The following OXNAD1 variants were observed in gnomAD, a reference collection of about 807,000 sequenced individuals.
The protein encoded by OXNAD1 is oxidoreductase NAD-binding domain-containing protein 1.
A neutral mutation model predicts 32.9 loss-of-function variants in OXNAD1; 34 were observed. That is an observed-to-expected ratio of 1.03 (90% CI 0.79 to 1.38). The LOEUF (loss-of-function observed/expected upper bound fraction) is 1.38, where lower values mean the gene tolerates loss of function less well. Among genes scored for constraint, OXNAD1 ranks in the 40% most tolerant of loss-of-function variants. The pLI is 0.00. For synonymous variants in OXNAD1, 134 were observed against 135.2 expected, an observed-to-expected ratio of 0.99 and a Z score of 0.06; for missense variants, 407 against 379.4, an observed-to-expected ratio of 1.07 and a Z score of -0.60.
chr3:16,332,698 G>A (rs569505338), intron 9 of OXNAD1, among the ~76,000 whole-genome samples: 53 of 152,236 alleles, frequency 3.5e-4, no homozygotes, highest in African/African-American at 9.4e-4. Context: ...CACCCTTCTC[G>A]TCCAGGTTGT....
At position 16,283,481 on chromosome 3, in the gene OXNAD1, T is replaced by C. The variant is rs559007812; in HGVS notation, c.184-2861T>C. Among the ~76,000 whole-genome samples, 5 of 152,360 alleles carry C rather than the reference T, an allele frequency of 3.3e-5. No homozygotes were observed. The East Asian group carries it at 9.6e-4, about 29-fold the overall frequency. The stretch of plus-strand genomic sequence containing the variant: ...AGGATAACAACACTGTCTCTTGGGA[T>C]ATAATATGATTATTCATATCAACTG... On this transcript the variant is annotated intron_variant, in intron 4 of 8. Coordinates refer to ENST00000285083, the MANE Select transcript of OXNAD1 (RefSeq NM_138381.5).
In OXNAD1 at chr3:16,274,257, TTATAAA is replaced by T. The variant is rs1262174751; in HGVS notation, c.183+2541_183+2546del. On this transcript the variant is annotated intron_variant, in intron 4 of 8. Coordinates refer to ENST00000285083, the MANE Select transcript of OXNAD1 (RefSeq NM_138381.5). The stretch of plus-strand genomic sequence containing the variant: ...AATTAACCTCATTAAAATTTTTGGT[TTATAAA>T]TATAACTATAACTACAGTATGTTAA... Among the ~76,000 whole-genome samples, 11 of 152,180 alleles carry T rather than the reference TTATAAA, an allele frequency of 7.2e-5. 2 individuals carry two copies. The highest frequency in any genetic ancestry group is 1.3e-4 in the Admixed American group (2 of 15,288).
chr3:16,270,106 A>C (rs2064818246), intron 2 of OXNAD1, among the ~76,000 whole-genome samples: 1 of 152,246 alleles, frequency 6.6e-6, no homozygotes, highest in South Asian at 2.1e-4. Flanking sequence ...AGATCCTAAG[A>C]GGACAGCTTA....
intron 1 of OXNAD1, among the ~76,000 whole-genome samples, chr3:16,267,048 G>A (rs996058840): frequency 2.3e-4 from 35 of 152,252 alleles, no homozygotes; most frequent in Non-Finnish European, 4.8e-4. Context: ...TAAATTGACA[G>A]ATGTCATGAT....
At chr3:16,272,329 A>T (rs1408496992) in intron 4 of OXNAD1, 3 of 236,756 alleles carry the variant, frequency 1.3e-5, no homozygotes, top group Admixed American at 5.5e-5. Context: ...TCAGTGAGTA[A>T]CCCCATTTTT....
intron 4 of OXNAD1, among the ~76,000 whole-genome samples, chr3:16,273,441 G>C (rs67201284): frequency 0.14 from 20,905 of 144,840 alleles, 1,590 homozygotes; most frequent in African/African-American, 0.19. Flanking sequence ...CTGGAGTGCA[G>C]TGGGTACAGG....
intron 9 of OXNAD1, chr3:16,315,751 G>A (rs906576539): frequency 6.6e-5 from 10 of 152,354 alleles, no homozygotes; most frequent in African/African-American, 2.4e-4. Context: ...ATGCTGCCAG[G>A]AGTTAGAAAC....
Position 16,327,857 on chromosome 3 carries a change from G to A in OXNAD1, c.*31-9255G>A, listed in dbSNP as rs986485457. ...CCTGCACTGGCTTCCACCTCTGCAG[G>A]CGTTCTCACTGCAACAGGCCTCATT... is the stretch of plus-strand genomic sequence containing the variant. On this transcript the variant is annotated intron_variant, in intron 9 of 9. Transcript: ENST00000435829. The surrounding 1 kb of genome is among the most constrained non-coding windows in gnomAD (Gnocchi z 4.2). Among the ~76,000 whole-genome samples, 2 of 152,188 alleles carry A rather than the reference G, an allele frequency of 1.3e-5. No homozygotes were observed. The highest frequency in any genetic ancestry group is 3.8e-4 in the East Asian group (2 of 5,196).
intron 4 of OXNAD1, among the ~76,000 whole-genome samples, chr3:16,281,002 A>G (rs113323542): frequency 0.031 from 4,775 of 152,358 alleles, 105 homozygotes; most frequent in Middle Eastern, 0.079. Context: ...ATAAGAGCCA[A>G]TACAAATGAT....
rs1162305191 is a variant in OXNAD1 at position 16,303,368 on chromosome 3, A to G, written c.785-40A>G. ...TCCTTCCTCATTTGCTGATACAACCATGTCTGGCTTAATTTGGTGTTTATT... is the reference window on the plus strand; with the variant it reads ...TCCTTCCTCATTTGCTGATACAACCGTGTCTGGCTTAATTTGGTGTTTATT... On this transcript the variant is annotated intron_variant, in intron 8 of 8. Transcript: ENST00000285083. The surrounding 1 kb of genome is among the most constrained non-coding windows in gnomAD (Gnocchi z 4.8). 4 of 1,607,302 alleles carry G rather than the reference A, an allele frequency of 2.5e-6. No individual in the cohort carries two copies. The highest frequency in any genetic ancestry group is 3.4e-6 in the Non-Finnish European group (4 of 1,175,792).
chr3:16,288,934 A>G lies in OXNAD1; in HGVS notation c.290+2486A>G, dbSNP rs1432147652. On this transcript the variant is annotated intron_variant, in intron 5 of 8. Transcript: ENST00000285083. The surrounding 1 kb of genome is among the most constrained non-coding windows in gnomAD (Gnocchi z 5.1). ...TCACTGCCTGCCTCTGGCATTGGTT[A>G]TGCTACTGTGGGTAGCAGTGTATTG... Among the ~76,000 whole-genome samples the G allele has an allele frequency of 1.3e-5, 2 of 152,162 alleles. No individual in the cohort carries two copies. The highest frequency in any genetic ancestry group is 2.9e-5 in the Non-Finnish European group (2 of 68,026).
chr3:16,337,759 AAAAG>A (rs2071004121), downstream of OXNAD1, among the ~76,000 whole-genome samples: 1 of 150,400 alleles, frequency 6.6e-6, no homozygotes, highest in Non-Finnish European at 1.5e-5. The surrounding 1 kb of genome is among the most constrained non-coding windows in gnomAD (Gnocchi z 5.0). Context: ...AAAAAAAAAG[AAAAG>A]AAAGTCACCT....
At position 16,317,054 on chromosome 3, in the gene OXNAD1, A is replaced by G. The variant is rs995978909; in HGVS notation, c.*30+13462A>G. ...GACAGGGCCCTTCATCTCCTCGGAG[A>G]CTCCACCCTCCTGCTGCTGTCCTGA... On this transcript the variant is annotated intron_variant, in intron 9 of 9. Transcript: ENST00000435829. This position sits in a 1 kb window ranked among gnomAD's most constrained non-coding sequence, Gnocchi z 4.3. The G allele has an allele frequency of 6.2e-7, 1 of 1,610,946 alleles. No homozygotes were observed. Among genetic ancestry groups the G allele is most frequent in the Non-Finnish European group, 8.5e-7 (1 of 1,179,258 alleles).
At chr3:16,351,875 A>G (rs1189316336), downstream of OXNAD1, among the ~76,000 whole-genome samples, 2 of 151,554 alleles carry the variant, frequency 1.3e-5, no homozygotes, top group African/African-American at 2.4e-5. The surrounding 1 kb of genome is among the most constrained non-coding windows in gnomAD (Gnocchi z 5.4). Context: ...GGGACTAGAA[A>G]GACTAGAAAA....
chr3:16,332,237 A>G (rs571881557), intron 9 of OXNAD1, among the ~76,000 whole-genome samples: 9 of 151,840 alleles, frequency 5.9e-5, no homozygotes, highest in East Asian at 3.9e-4. Context: ...TGGACCTGCT[A>G]TTAATCAAAA....
chr3:16,351,924 T>C (rs980058526), downstream of OXNAD1, among the ~76,000 whole-genome samples: 1 of 152,110 alleles, frequency 6.6e-6, no homozygotes, highest in African/African-American at 2.4e-5. This position sits in a 1 kb window ranked among gnomAD's most constrained non-coding sequence, Gnocchi z 5.4. Context: ...TCAGATTCCA[T>C]TGATATTTTA....
intron 5 of OXNAD1, among the ~76,000 whole-genome samples, chr3:16,293,763 C>T (rs932380166): frequency 3.9e-5 from 6 of 152,310 alleles, no homozygotes; most frequent in Non-Finnish European, 5.9e-5. Flanking sequence ...TTCAGCATTT[C>T]ACCATTAAGT....
Position 16,334,114 on chromosome 3 carries a change from G to A in OXNAD1, c.*31-2998G>A, listed in dbSNP as rs528896359. 2.2e-4 allele frequency among the ~76,000 whole-genome samples: 34 copies of A among 152,256 alleles called. No homozygotes were observed. The highest frequency in any genetic ancestry group is 6.3e-4 in the African/African-American group (26 of 41,556). Reference sequence around the variant, plus strand: ...TAGGAGGCAGAAGCTGCAGTGAGCCGAGATCGTGCCACTGCACTCCAGCCT... The same window carrying A: ...TAGGAGGCAGAAGCTGCAGTGAGCCAAGATCGTGCCACTGCACTCCAGCCT... On this transcript the variant is annotated intron_variant, in intron 9 of 9. Coordinates refer to the OXNAD1 transcript ENST00000435829. This position sits in a 1 kb window ranked among gnomAD's most constrained non-coding sequence, Gnocchi z 4.3.
At position 16,316,895 on chromosome 3, in the gene OXNAD1, G is replaced by A. The variant is rs1205105134; in HGVS notation, c.*30+13303G>A. 8.1e-6 allele frequency: 13 copies of A among 1,614,140 alleles called. No homozygotes were observed. The highest frequency in any genetic ancestry group is 3.3e-5 in the Admixed American group (2 of 60,010). ...ATCCCCGTCCCTGGCATCCTCTCCA[G>A]GATTGGAGTGCCCAGTGCAAATCCC... On this transcript the variant is annotated intron_variant, in intron 9 of 9. Coordinates refer to the OXNAD1 transcript ENST00000435829. The surrounding 1 kb of genome is among the most constrained non-coding windows in gnomAD (Gnocchi z 4.5).
Sources: allele counts gnomAD v4.1 joint callset (sites outside exome capture counted in the v4.1 genomes callset), GRCh38; gene constraint gnomAD v4.1.1; non-coding constraint Gnocchi (gnomAD v3.1); transcripts MANE v1.5; gene names NCBI Gene and HGNC (gene_info 2026-07-23, HGNC 2026-07-21).